The following DYSF variants were observed in gnomAD, a reference collection of about 807,000 sequenced individuals.
DYSF encodes dystrophy-associated fer-1-like 1.
DYSF carries 212 observed loss-of-function variants against 274.9 expected under a neutral mutation model. The observed-to-expected ratio is 0.77, with a 90% confidence interval of 0.69 to 0.86. DYSF has a LOEUF of 0.86. Among genes scored for constraint, DYSF ranks in the 40% least tolerant of loss-of-function variants. The probability of loss-of-function intolerance (pLI) is 0.00; values close to 1 mark genes in which losing one functional copy is unlikely to be tolerated. For missense variants in DYSF, 2,666 were observed against 2,783.2 expected, an observed-to-expected ratio of 0.96 and a Z score of 0.95; for synonymous variants, 1,091 against 1,078.7, an observed-to-expected ratio of 1.01 and a Z score of -0.22.
intron 41 of DYSF, among the ~76,000 whole-genome samples, chr2:71,636,669 C>G (rs2094408702): frequency 3.3e-5 from 5 of 152,226 alleles, no homozygotes; most frequent in African/African-American, 1.2e-4. Flanking sequence ...AGGGAAGGCA[C>G]CCAGGCTGGA....
At chr2:71,526,126 G>C in intron 12 of DYSF, 94 bp from the exon 13 acceptor site, 10 of 1,609,880 alleles carry the variant, frequency 6.2e-6, no homozygotes, top group Non-Finnish European at 8.5e-6. Context: ...GCAGAATGCA[G>C]CATTTATGTG....
intron 40 of DYSF, among the ~76,000 whole-genome samples, chr2:71,614,480 C>G (rs1384190826): frequency 6.6e-6 from 1 of 152,216 alleles, no homozygotes; most frequent in Non-Finnish European, 1.5e-5. Flanking sequence ...AGACCTCCTG[C>G]CCCCTGTCCC....
intron 36 of DYSF, 126 bp downstream of exon 36, chr2:71,602,931 T>C: frequency 1.7e-6 from 2 of 1,168,364 alleles, no homozygotes; most frequent in Non-Finnish European, 2.5e-6. Context: ...CATGGAGACC[T>C]GTCTGGATTT....
intron 1 of DYSF, among the ~76,000 whole-genome samples, chr2:71,458,817 GTCC>G (rs1191597201): frequency 6.6e-6 from 1 of 152,140 alleles, no homozygotes; most frequent in Non-Finnish European, 1.5e-5. Flanking sequence ...GCTGCAAACT[GTCC>G]TCATTCTTTT....
intron 3 of DYSF, among the ~76,000 whole-genome samples, chr2:71,484,885 G>A (rs1390421356): frequency 6.6e-6 from 1 of 152,192 alleles, no homozygotes; most frequent in Non-Finnish European, 1.5e-5. Context: ...GTCATATGGG[G>A]AACGGGAAGC....
chr2:71,468,541 A>G (rs1359357457), intron 1 of DYSF, among the ~76,000 whole-genome samples: 1 of 152,010 alleles, frequency 6.6e-6, no homozygotes, highest in African/African-American at 2.4e-5. Context: ...TGCAGCTGCT[A>G]TCTCCCCCCA....
chr2:71,482,646 G>A (rs1018807562), intron 3 of DYSF, among the ~76,000 whole-genome samples: 3 of 152,094 alleles, frequency 2.0e-5, no homozygotes, highest in African/African-American at 7.2e-5. Flanking sequence ...AACGGAGGTG[G>A]TGGGGTGGAC....
At chr2:71,556,895 A>G (rs982027421) in intron 22 of DYSF, among the ~76,000 whole-genome samples, 1 of 152,018 alleles carries the variant, frequency 6.6e-6, no homozygotes, top group Non-Finnish European at 1.5e-5. Context: ...ACGCCTCATC[A>G]CCCCTCCCTC....
intron 19 of DYSF, among the ~76,000 whole-genome samples, 153 bp downstream of exon 19, chr2:71,551,873 T>A (rs959751386): frequency 6.6e-6 from 1 of 152,134 alleles, no homozygotes; most frequent in Non-Finnish European, 1.5e-5. Flanking sequence ...GTCTCAGCTG[T>A]AAAGTGGGAA....
chr2:71,646,168 G>A (rs2094564998), intron 42 of DYSF, among the ~76,000 whole-genome samples: 1 of 152,244 alleles, frequency 6.6e-6, no homozygotes, highest in South Asian at 2.1e-4. Context: ...TGGTAGTTGG[G>A]TGTGTGAGGT....
chr2:71,453,990 G>A, exon 1 of DYSF: 1 of 1,614,070 alleles, frequency 6.2e-7, no homozygotes. Flanking sequence ...GGCCCTACAC[G>A]CGCCAAGCAT....
rs1007399114 is a variant in DYSF at position 71,604,349 on chromosome 2, AGTAGGACC to A, written c.3957+1546_3957+1553del. Reference sequence around the variant, plus strand: ...TTCTGTTGCCACTGGTCCTCCTGTAAGTAGGACCGCAGCAGGGTGTTTCTGTCTTCTTT... The same window carrying A: ...TTCTGTTGCCACTGGTCCTCCTGTAAGCAGCAGGGTGTTTCTGTCTTCTTT... On this transcript the variant is annotated intron_variant, in intron 36 of 55. Transcript: ENST00000410020. Among the ~76,000 whole-genome samples, 15 of 152,102 alleles carry A rather than the reference AGTAGGACC, an allele frequency of 9.9e-5. 1 individual carries two copies. Among genetic ancestry groups the A allele is most frequent in the African/African-American group, 3.6e-4 (15 of 41,402 alleles).
intron 14 of DYSF, among the ~76,000 whole-genome samples, chr2:71,529,725 C>A (rs1424067462): frequency 2.6e-5 from 4 of 152,218 alleles, no homozygotes; most frequent in Non-Finnish European, 5.9e-5. Flanking sequence ...TACCTCTTAT[C>A]TAATGGTCTA....
At chr2:71,492,481 A>G (rs901005802) in intron 3 of DYSF, among the ~76,000 whole-genome samples, 4 of 152,178 alleles carry the variant, frequency 2.6e-5, no homozygotes, top group Non-Finnish European at 4.4e-5. Context: ...ATACATATAT[A>G]GTTTTAATTG....
intron 44 of DYSF, 67 bp from the exon 45 acceptor site, chr2:71,660,493 C>A: frequency 7.4e-7 from 1 of 1,356,058 alleles, no homozygotes; most frequent in Non-Finnish European, 1.1e-6. Flanking sequence ...AGAGGCAAGG[C>A]ACTCATGAAG....
intron 12 of DYSF, among the ~76,000 whole-genome samples, chr2:71,521,491 A>G (rs2087268716): frequency 6.6e-6 from 1 of 152,222 alleles, no homozygotes; most frequent in South Asian, 2.1e-4. Context: ...CACTTGCCTC[A>G]TGGTGCTCAG....
At chr2:71,648,937 C>T (rs1329135798) in intron 42 of DYSF, among the ~76,000 whole-genome samples, 1 of 151,874 alleles carries the variant, frequency 6.6e-6, no homozygotes, top group African/African-American at 2.4e-5. Flanking sequence ...TACAGATAAC[C>T]ATTTGTACAT....
At chr2:71,542,312 G>C (rs2089995417) in intron 17 of DYSF, among the ~76,000 whole-genome samples, 1 of 151,452 alleles carries the variant, frequency 6.6e-6, no homozygotes, top group African/African-American at 2.4e-5. Context: ...TACCAATTCT[G>C]CCTTTTACTG....
intron 12 of DYSF, 63 bp downstream of exon 12, chr2:71,520,967 C>A: frequency 7.4e-7 from 1 of 1,348,458 alleles, no homozygotes; most frequent in East Asian, 2.3e-5. Context: ...GCGGAGGCAC[C>A]AAACCACAAA....
Sources: allele counts gnomAD v4.1 joint callset (sites outside exome capture counted in the v4.1 genomes callset), GRCh38; gene constraint gnomAD v4.1.1; transcripts MANE v1.5; gene names NCBI Gene and HGNC (gene_info 2026-07-23, HGNC 2026-07-21).